PLCB1: variants seen among roughly 807,000 people sequenced by gnomAD.
PLCB1 encodes the protein 1-phosphatidylinositol 4,5-bisphosphate phosphodiesterase beta-1.
A neutral mutation model predicts 161.8 loss-of-function variants in PLCB1; 46 were observed. The observed-to-expected ratio is 0.28, with a 90% CI of 0.22 to 0.36. The LOEUF is 0.36. PLCB1 is among the 10% of genes least tolerant of loss of function. The pLI, the probability that PLCB1 is intolerant of heterozygous loss-of-function variation, is 1.00. For missense variants in PLCB1, 1,016 were observed against 1,472.5 expected, an observed-to-expected ratio of 0.69 and a Z score of 5.07; for synonymous variants, 517 against 503.7, an observed-to-expected ratio of 1.03 and a Z score of -0.35.
At chr20:8,471,378 CA>C (rs969873358) in intron 3 of PLCB1, among the ~76,000 whole-genome samples, 9 of 152,142 alleles carry the variant, frequency 5.9e-5, no homozygotes, top group Non-Finnish European at 1.3e-4. Flanking sequence ...CTGTGGAACA[CA>C]CTCGGGGAAG....
At chr20:8,541,304 G>C (rs993853309) in intron 3 of PLCB1, among the ~76,000 whole-genome samples, 2 of 152,160 alleles carry the variant, frequency 1.3e-5, no homozygotes, top group African/African-American at 4.8e-5. Context: ...AGATGTTTAG[G>C]CTTTCTTCCA....
At chr20:8,355,228 A>C (rs1333933230) in intron 2 of PLCB1, among the ~76,000 whole-genome samples, 3 of 152,074 alleles carry the variant, frequency 2.0e-5, no homozygotes, top group African/African-American at 7.2e-5. Flanking sequence ...TTTGTCTTAA[A>C]AAAAAAAAGA....
intron 31 of PLCB1, among the ~76,000 whole-genome samples, chr20:8,826,349 G>A (rs912637749): frequency 6.6e-6 from 1 of 152,004 alleles, no homozygotes; most frequent in African/African-American, 2.4e-5. Flanking sequence ...TAAAAAATTA[G>A]GTGGGCGTGG....
In PLCB1 at chr20:8,644,807, A is replaced by G. The variant is rs1418669489; in HGVS notation, c.385-1295A>G. On this transcript the variant is annotated intron_variant, in intron 4 of 31. Transcript: ENST00000338037. ...AAGTGAGGGGCCCCTCTGCTCGGCC[A>G]CCACCCCGTCTGGGAGGTGTACCCA... Among the ~76,000 whole-genome samples, 1,121 of 151,548 alleles carry G rather than the reference A, an allele frequency of 7.4e-3. 12 individuals are homozygous for G. The highest frequency in any genetic ancestry group is 9.8e-3 in the Non-Finnish European group (664 of 67,702).
At chr20:8,141,036 T>A (rs988823537) in intron 1 of PLCB1, among the ~76,000 whole-genome samples, 46 of 152,070 alleles carry the variant, frequency 3.0e-4, no homozygotes, top group Non-Finnish European at 5.0e-4. Flanking sequence ...GATGTCATGA[T>A]CCACCCGCCT....
chr20:8,157,415 C>T (rs563836888), intron 2 of PLCB1, among the ~76,000 whole-genome samples: 1 of 152,326 alleles, frequency 6.6e-6, no homozygotes, highest in South Asian at 2.1e-4. Flanking sequence ...CCCTACTGAC[C>T]AAGACCTTAG....
At position 8,741,878 on chromosome 20, in the gene PLCB1, A is replaced by G. The variant is rs2327099; in HGVS notation, c.2523+305A>G. ...ATTCCATGCTAATTAAAGGTGATGA[A>G]CGCATTTAAAAAGGAAGATAATCAT... On this transcript the variant is annotated intron_variant, in intron 23 of 31. Transcript: ENST00000338037. Among the ~76,000 whole-genome samples the G allele has an allele frequency of 0.46, 69,808 of 152,128 alleles. 16,305 individuals carry two copies. The highest frequency in any genetic ancestry group is 0.68 in the East Asian group (3,508 of 5,180).
At chr20:8,350,287 G>A (rs1986141774) in intron 2 of PLCB1, among the ~76,000 whole-genome samples, 1 of 152,126 alleles carries the variant, frequency 6.6e-6, no homozygotes, top group East Asian at 1.9e-4. Flanking sequence ...TTGCCCCACA[G>A]TGTGTCCATG....
intron 23 of PLCB1, among the ~76,000 whole-genome samples, chr20:8,754,432 A>G (rs1009997136): frequency 9.3e-5 from 14 of 150,580 alleles, no homozygotes; most frequent in Non-Finnish European, 2.1e-4. Flanking sequence ...CTTTCACAGA[A>G]GCTGGTTTTC....
intron 3 of PLCB1, among the ~76,000 whole-genome samples, chr20:8,488,752 T>A (rs914575480): frequency 1.3e-5 from 2 of 152,190 alleles, no homozygotes; most frequent in African/African-American, 2.4e-5. Context: ...CATCATAACA[T>A]CATATCAAAG....
chr20:8,667,817 G>C (rs746428150), intron 9 of PLCB1, among the ~76,000 whole-genome samples: 13 of 152,190 alleles, frequency 8.5e-5, no homozygotes, highest in Non-Finnish European at 1.8e-4. Flanking sequence ...TTTCAGAGGT[G>C]CCTTGCCATT....
intron 3 of PLCB1, among the ~76,000 whole-genome samples, chr20:8,616,623 A>C (rs190172430): frequency 1.2e-4 from 18 of 152,314 alleles, no homozygotes; most frequent in Non-Finnish European, 2.1e-4. Context: ...TGCCAGATAA[A>C]TAGTAGGTGC....
At chr20:8,864,946 G>T (rs1056340961) in intron 31 of PLCB1, among the ~76,000 whole-genome samples, 1 of 152,194 alleles carries the variant, frequency 6.6e-6, no homozygotes, top group African/African-American at 2.4e-5. Flanking sequence ...CTGATGGGAA[G>T]ATGGAAGGAG....
chr20:8,388,084 G>A (rs1284499369), intron 3 of PLCB1, among the ~76,000 whole-genome samples: 1 of 151,874 alleles, frequency 6.6e-6, no homozygotes, highest in Non-Finnish European at 1.5e-5. Context: ...TTTCATGGAG[G>A]AAATCAAATG....
At chr20:8,500,869 G>T (rs562713206) in intron 3 of PLCB1, among the ~76,000 whole-genome samples, 1 of 152,114 alleles carries the variant, frequency 6.6e-6, no homozygotes, top group Non-Finnish European at 1.5e-5. Flanking sequence ...TATGAGGAAG[G>T]TCCTAACTTG....
intron 3 of PLCB1, among the ~76,000 whole-genome samples, chr20:8,375,943 CAAAAAAAAAA>C (rs34790517): frequency 1.1e-5 from 1 of 93,058 alleles, no homozygotes; most frequent in African/African-American, 3.9e-5. Flanking sequence ...CCAAGTGAAC[CAAAAAAAAAA>C]AAAAAAAAAA....
chr20:8,387,767 T>G (rs532825254), intron 3 of PLCB1, among the ~76,000 whole-genome samples: 9 of 152,020 alleles, frequency 5.9e-5, no homozygotes, highest in African/African-American at 2.2e-4. Context: ...TCCTTAGAGA[T>G]AGAAAGTTGC....
chr20:8,785,714 G>T (rs1430900941), intron 27 of PLCB1, among the ~76,000 whole-genome samples: 3 of 152,112 alleles, frequency 2.0e-5, no homozygotes, highest in Non-Finnish European at 2.9e-5. Flanking sequence ...AACTGAGTGG[G>T]CAGAAGGTCT....
intron 4 of PLCB1, among the ~76,000 whole-genome samples, chr20:8,629,059 T>A (rs1462413723): frequency 6.6e-6 from 1 of 152,194 alleles, no homozygotes; most frequent in East Asian, 1.9e-4. Flanking sequence ...TCTCTTAGCC[T>A]CATCCCTATG....
Sources: allele counts gnomAD v4.1 joint callset (sites outside exome capture counted in the v4.1 genomes callset), GRCh38; gene constraint gnomAD v4.1.1; transcripts MANE v1.5; gene names NCBI Gene and HGNC (gene_info 2026-07-23, HGNC 2026-07-21).